Variants in AACS observed in about 807,000 individuals in gnomAD.
AACS encodes acetoacetyl-CoA synthetase.
A neutral mutation model predicts 83.1 loss-of-function variants in AACS; 69 were observed. That is an observed-to-expected ratio of 0.83 (90% CI 0.68 to 1.01). The LOEUF is 1.01. Ranked by LOEUF, AACS falls within the 50% of genes least tolerant of loss-of-function variation. AACS has a pLI of 0.00. For synonymous variants in AACS, 333 were observed against 343.4 expected, an observed-to-expected ratio of 0.97 and a Z score of 0.33; for missense variants, 866 against 882.2, an observed-to-expected ratio of 0.98 and a Z score of 0.23.
At chr12:125,108,089 C>A (rs186307591) in intron 8 of AACS, among the ~76,000 whole-genome samples, 101 of 152,304 alleles carry the variant, frequency 6.6e-4, no homozygotes, top group African/African-American at 2.3e-3. Context: ...AAACTTATGT[C>A]TGACCGTGGG....
At position 125,094,316 on chromosome 12, in the gene AACS, C is replaced by T. The variant is rs953151290; in HGVS notation, c.570+2793C>T. ...CTGCAATGAAGCGTGAATGTCTTCC[C>T]TTTGGAATCATGTTTTCTCTTGCTT... On this transcript the variant is annotated intron_variant, in intron 5 of 17. Coordinates refer to ENST00000316519, the MANE Select transcript of AACS (RefSeq NM_023928.5). The surrounding 1 kb of genome is among the most constrained non-coding windows in gnomAD (Gnocchi z 4.1). Among the ~76,000 whole-genome samples the T allele has an allele frequency of 3.3e-5, 5 of 152,242 alleles. No individual in the cohort carries two copies. Among genetic ancestry groups the T allele is most frequent in the Admixed American group, 3.3e-4 (5 of 15,286 alleles).
In AACS at chr12:125,065,692, G is replaced by T. The variant is rs763562803; in HGVS notation, c.108G>T (p.Val36=). The change falls in exon 1 of 18, where the codon GTG becomes GTT. Residue 36 remains valine, a synonymous_variant. Transcript: ENST00000316519. Reference sequence around the variant, plus strand: ...AGATGGACCGCTTCCGGGCGGCTGTGGGCGCCGCCTGCGGCCTGGCGCTGG... The same window carrying T: ...AGATGGACCGCTTCCGGGCGGCTGTTGGCGCCGCCTGCGGCCTGGCGCTGG... ...NTQMDRFRAA[V]GAACGLALES... 2.5e-5 allele frequency: 39 copies of T among 1,542,068 alleles called. 1 individual carries two copies. The Admixed American group carries it at 7.8e-4, about 31-fold the overall frequency.
rs1592955694 is a variant in AACS at position 125,086,351 on chromosome 12, T to C, written c.380T>C (p.Val127Ala). ...YIAREGKEEI[V>A]KVTFEELRQE... ...CCAGGGGAAGGCAAAGAGGAAATTG[T>C]GAAGGTGACTTTTGAAGAGCTGAGG... The change falls in exon 4 of 18, where the codon GTG becomes GCG. Residue 127 changes from valine to alanine, a missense_variant. Coordinates refer to ENST00000316519, the MANE Select transcript of AACS (RefSeq NM_023928.5). 6.2e-7 allele frequency: 1 copy of C among 1,614,210 alleles called. No homozygotes were observed. Among genetic ancestry groups the C allele is most frequent in the East Asian group, 2.2e-5 (1 of 44,884 alleles).
chr12:125,117,852 CTCACA>C (rs1957083374), intron 9 of AACS: 1 of 152,036 alleles, frequency 6.6e-6, no homozygotes, highest in Admixed American at 6.6e-5. Context: ...GGCGTGGTGG[CTCACA>C]TCTGTGGTCC....
chr12:125,091,794 G>A (rs1276173392), intron 5 of AACS, among the ~76,000 whole-genome samples: 1 of 152,226 alleles, frequency 6.6e-6, no homozygotes, highest in Non-Finnish European at 1.5e-5. Flanking sequence ...TTAAGGTCTA[G>A]TAAGGTCGAG....
At chr12:125,124,486 C>T (rs1192462120) in intron 10 of AACS, 2 of 582,452 alleles carry the variant, frequency 3.4e-6, no homozygotes, top group Non-Finnish European at 6.1e-6. Context: ...GGAGCTGGCC[C>T]TGCGTGCTGA....
At chr12:125,076,346 A>T in intron 2 of AACS, 145 bp from the exon 3 acceptor site, 1 of 1,141,526 alleles carries the variant, frequency 8.8e-7, no homozygotes, top group Non-Finnish European at 1.2e-6. Flanking sequence ...CCATAAAATG[A>T]TTTAAAAATG....
chr12:125,078,149 G>A (rs1487605197), intron 3 of AACS: 3 of 456,148 alleles, frequency 6.6e-6, no homozygotes, highest in African/African-American at 6.0e-5. Flanking sequence ...CCCTGCCCAG[G>A]CTACAGAGCA....
intron 17 of AACS, chr12:125,141,467 A>G (rs752331542): frequency 3.9e-5 from 6 of 152,350 alleles, no homozygotes; most frequent in African/African-American, 7.2e-5. Flanking sequence ...TGGGTGGATC[A>G]TGAGGTCAGG....
At chr12:125,079,418 A>G (rs1056399211) in intron 3 of AACS, among the ~76,000 whole-genome samples, 3 of 152,080 alleles carry the variant, frequency 2.0e-5, no homozygotes, top group South Asian at 2.1e-4. Flanking sequence ...GTCTCACTCT[A>G]TTGCCTAGGC....
chr12:125,142,178 C>T lies in AACS; in HGVS notation c.1968C>T (p.Asn656=), dbSNP rs748839752. The T allele has an allele frequency of 6.2e-7, 1 of 1,614,180 alleles. No homozygotes were observed. Among genetic ancestry groups the T allele is most frequent in the Admixed American group, 1.7e-5 (1 of 60,022 alleles). ...TGGAGCAAGGAGGTGCTTTCTCGAA[C>T]CCCGAGACCCTGGATCTGTACCGGG... is the stretch of plus-strand genomic sequence containing the variant. ...KAVEQGGAFS[N]PETLDLYRDI... is the part of the protein sequence containing the mutation. The change falls in exon 18 of 18, where the codon AAC becomes AAT. Residue 656 remains asparagine (N), a synonymous_variant. Transcript: ENST00000316519.
chr12:125,084,454 A>G (rs918590393), intron 3 of AACS, among the ~76,000 whole-genome samples: 4 of 151,034 alleles, frequency 2.6e-5, no homozygotes, highest in Non-Finnish European at 5.9e-5. Context: ...CTCAGGCTGG[A>G]GTGCAGTGGT....
At chr12:125,091,318 G>T in intron 4 of AACS, 108 bp from the exon 5 acceptor site, 1 of 1,141,106 alleles carries the variant, frequency 8.8e-7, no homozygotes. Flanking sequence ...GGCAGTTCAA[G>T]GCCAGCCCCC....
intron 17 of AACS, chr12:125,141,801 G>A (rs1188545267): frequency 1.5e-5 from 5 of 341,298 alleles, no homozygotes; most frequent in Non-Finnish European, 1.6e-5. Context: ...GCCGTGCCAG[G>A]GGGCGGGGGT....
rs1480206126 is a variant in AACS, at chr12:125,076,523, C to T, written c.270C>T (p.Val90=). 6.2e-7 allele frequency: 1 copy of T among 1,614,152 alleles called. No homozygotes were observed. Among genetic ancestry groups the T allele is most frequent in the Non-Finnish European group, 8.5e-7 (1 of 1,180,008 alleles). Residue 90 remains valine (V), a synonymous_variant, in exon 3 of 18, where the codon GTC becomes GTT. Transcript: ENST00000316519. ...VVDTSKGIAD[V]PEWFKGSRLN... Reference sequence around the variant, plus strand: ...ACACATCGAAAGGAATCGCAGATGTCCCCGAGTGGTTCAAAGGCAGTCGGC... The same window carrying T: ...ACACATCGAAAGGAATCGCAGATGTTCCCGAGTGGTTCAAAGGCAGTCGGC...
chr12:125,073,760 T>C (rs377451720), intron 1 of AACS, 116 bp from the exon 2 acceptor site: 35 of 750,492 alleles, frequency 4.7e-5, no homozygotes, highest in Middle Eastern at 4.8e-4. Context: ...AGACCATTTC[T>C]CCTCAGATGA....
At chr12:125,092,429 A>G (rs925370124) in intron 5 of AACS, 1 of 152,322 alleles carries the variant, frequency 6.6e-6, no homozygotes, top group African/African-American at 2.4e-5. Flanking sequence ...CTTAGAAATC[A>G]TGTCTACTTA....
chr12:125,103,440 C>T (rs538960791), intron 7 of AACS, among the ~76,000 whole-genome samples: 73 of 129,490 alleles, frequency 5.6e-4, no homozygotes, highest in African/African-American at 2.2e-3. Flanking sequence ...GCACTGCACA[C>T]GCATGCACAC....
chr12:125,135,271 T>G (rs1957385915), intron 16 of AACS, among the ~76,000 whole-genome samples: 1 of 152,014 alleles, frequency 6.6e-6, no homozygotes, highest in African/African-American at 2.4e-5. Context: ...GTTTTTGTAT[T>G]TTTAGTAGAG....
Sources: allele counts gnomAD v4.1 joint callset (sites outside exome capture counted in the v4.1 genomes callset), GRCh38; gene constraint gnomAD v4.1.1; non-coding constraint Gnocchi (gnomAD v3.1); transcripts MANE v1.5; gene names NCBI Gene and HGNC (gene_info 2026-07-23, HGNC 2026-07-21).